The following SLC16A7 variants were observed in gnomAD, a reference collection of about 807,000 sequenced individuals.
SLC16A7 encodes solute carrier family 16 member 7.
Under a neutral mutation model 34.9 loss-of-function variants are expected in SLC16A7, and 33 were observed. The observed-to-expected ratio is 0.94, with a 90% confidence interval of 0.72 to 1.26. The LOEUF is 1.26. Ranked by LOEUF, SLC16A7 falls within the 50% of genes most tolerant of loss-of-function variation. SLC16A7 has a pLI of 0.00. For synonymous variants in SLC16A7, 201 were observed against 206.6 expected (o/e 0.97, Z 0.23); for missense variants, 573 against 578.1 (o/e 0.99, Z 0.09).
At chr12:59,717,172 G>C (rs1875005064) in intron 3 of SLC16A7, among the ~76,000 whole-genome samples, 1 of 152,194 alleles carries the variant, frequency 6.6e-6, no homozygotes, top group South Asian at 2.1e-4. Context: ...CATGGATCTA[G>C]AGACTGAGAA....
chr12:59,616,505 A>C (rs1467536544), intron 1 of SLC16A7, among the ~76,000 whole-genome samples: 1 of 152,176 alleles, frequency 6.6e-6, no homozygotes, highest in East Asian at 1.9e-4. Context: ...AAAAAGAATT[A>C]GTTTTTAAAA....
At chr12:59,614,979 G>T (rs993235388) in intron 1 of SLC16A7, among the ~76,000 whole-genome samples, 3 of 151,488 alleles carry the variant, frequency 2.0e-5, no homozygotes, top group Non-Finnish European at 2.9e-5. Context: ...CTCCAGCCTG[G>T]TCGACAGAGC....
intron 2 of SLC16A7, among the ~76,000 whole-genome samples, chr12:59,683,344 T>G (rs1039784359): frequency 2.6e-5 from 4 of 152,176 alleles, no homozygotes; most frequent in African/African-American, 9.7e-5. Flanking sequence ...GTTGCGAGAT[T>G]AATCCTGCTA....
At chr12:59,700,292 C>G (rs1175797485) in intron 2 of SLC16A7, among the ~76,000 whole-genome samples, 1 of 151,588 alleles carries the variant, frequency 6.6e-6, no homozygotes, top group Non-Finnish European at 1.5e-5. Flanking sequence ...GGTGACTTTA[C>G]AGAACACAGC....
At chr12:59,671,555 A>T (rs1048395809) in intron 2 of SLC16A7, among the ~76,000 whole-genome samples, 1 of 151,806 alleles carries the variant, frequency 6.6e-6, no homozygotes, top group Admixed American at 6.6e-5. Context: ...CACTTCCTGT[A>T]CTTGTTTGGA....
intron 3 of SLC16A7, among the ~76,000 whole-genome samples, chr12:59,766,771 A>C (rs1014424739): frequency 6.6e-6 from 1 of 152,100 alleles, no homozygotes; most frequent in African/African-American, 2.4e-5. Flanking sequence ...ATGTTCATCA[A>C]GGATATTGGT....
Position 59,775,543 on chromosome 12 carries a change from T to G in SLC16A7, c.1180+68T>G, listed in dbSNP as rs949617561. The stretch of plus-strand genomic sequence containing the variant: ...AATATCCATTAACGGAGACTTTATA[T>G]ACAGATGTTTAAATGTGTTTTATAA... On this transcript the variant is annotated intron_variant, in intron 5 of 5. Coordinates refer to ENST00000547379, the MANE Select transcript of SLC16A7 (RefSeq NM_001270623.2). 4 of 1,099,896 alleles carry G rather than the reference T, an allele frequency of 3.6e-6. No individual in the cohort carries two copies. In the African/African-American group the frequency reaches 6.3e-5, roughly 17 times the overall value. 68.1% of individuals were successfully genotyped at this position (1,099,896 alleles called of 1,614,324 possible). A position where few individuals can be genotyped will look rare whatever the true frequency, so the allele number is the denominator to read the frequency against.
intron 2 of SLC16A7, among the ~76,000 whole-genome samples, chr12:59,696,991 A>G (rs1592517899): frequency 6.6e-6 from 1 of 151,976 alleles, no homozygotes; most frequent in East Asian, 1.9e-4. Flanking sequence ...AATACAAAAC[A>G]GAAAAGATTA....
intron 2 of SLC16A7, among the ~76,000 whole-genome samples, chr12:59,695,709 A>G (rs896354868): frequency 6.6e-6 from 1 of 152,036 alleles, no homozygotes; most frequent in African/African-American, 2.4e-5. Flanking sequence ...TGGTTATTTA[A>G]TTCAAAGTAT....
intron 3 of SLC16A7, among the ~76,000 whole-genome samples, chr12:59,758,980 CATT>C (rs1379881107): frequency 4.6e-5 from 7 of 151,844 alleles, no homozygotes; most frequent in African/African-American, 1.2e-4. Context: ...TTGGGTCAAT[CATT>C]AGTCTTTTTT....
At chr12:59,765,688 C>T (rs1307298988) in intron 3 of SLC16A7, among the ~76,000 whole-genome samples, 2 of 152,126 alleles carry the variant, frequency 1.3e-5, no homozygotes, top group African/African-American at 2.4e-5. Flanking sequence ...TTCCGTTGGT[C>T]TATATCTCTG....
intron 3 of SLC16A7, among the ~76,000 whole-genome samples, chr12:59,715,860 TA>T (rs1874840131): frequency 6.6e-6 from 1 of 152,150 alleles, no homozygotes; most frequent in African/African-American, 2.4e-5. Flanking sequence ...CCAATGTTTT[TA>T]TTACAGTTTG....
At chr12:59,677,697 T>C (rs1421940832) in intron 2 of SLC16A7, among the ~76,000 whole-genome samples, 1 of 152,230 alleles carries the variant, frequency 6.6e-6, no homozygotes, top group Non-Finnish European at 1.5e-5. Context: ...AACTGTCTTC[T>C]TTACCCTATC....
At chr12:59,644,142 G>C (rs1390802776) in intron 1 of SLC16A7, among the ~76,000 whole-genome samples, 1 of 151,390 alleles carries the variant, frequency 6.6e-6, no homozygotes, top group Non-Finnish European at 1.5e-5. Context: ...ATTTCATTTA[G>C]AACTTAGTAA....
intron 3 of SLC16A7, among the ~76,000 whole-genome samples, chr12:59,740,140 A>C (rs2137279252): frequency 6.6e-6 from 1 of 151,654 alleles, no homozygotes; most frequent in South Asian, 2.1e-4. Flanking sequence ...CCTGAATGGT[A>C]ATGCCTAGGT....
At chr12:59,684,158 T>A (rs1004830868) in intron 2 of SLC16A7, among the ~76,000 whole-genome samples, 3 of 152,278 alleles carry the variant, frequency 2.0e-5, no homozygotes, top group South Asian at 2.1e-4. Context: ...TAAAGGCAAC[T>A]CTAAAAGAGG....
intron 2 of SLC16A7, among the ~76,000 whole-genome samples, chr12:59,672,662 C>T (rs545903792): frequency 6.6e-6 from 1 of 152,082 alleles, no homozygotes; most frequent in Non-Finnish European, 1.5e-5. Flanking sequence ...GTTTCTATCA[C>T]CATGTGCTTG....
chr12:59,699,741 A>G (rs933082438), intron 2 of SLC16A7, among the ~76,000 whole-genome samples: 10 of 151,762 alleles, frequency 6.6e-5, no homozygotes, highest in African/African-American at 2.2e-4. Flanking sequence ...GTAAATTTGC[A>G]TATCCACAGA....
At chr12:59,750,857 A>G (rs1258594544) in intron 3 of SLC16A7, among the ~76,000 whole-genome samples, 1 of 152,232 alleles carries the variant, frequency 6.6e-6, no homozygotes, top group Non-Finnish European at 1.5e-5. Flanking sequence ...TGGCGCATAT[A>G]CACCATGGAA....
Sources: gnomAD v4.1 joint callset for allele counts (sites outside exome capture counted in the v4.1 genomes callset) on GRCh38, gnomAD v4.1.1 for gene constraint, MANE v1.5 for transcripts, NCBI Gene and HGNC (gene_info 2026-07-23, HGNC 2026-07-21) for gene names.